GNG2: variants seen among roughly 807,000 people sequenced by gnomAD.
The protein encoded by GNG2 is guanine nucleotide-binding protein G(I)/G(S)/G(O) subunit gamma-2.
GNG2 carries 5 observed loss-of-function variants against 5.5 expected under a neutral mutation model. The observed-to-expected ratio is 0.91, with a 90% CI of 0.48 to 1.92. The LOEUF is 1.92. Among genes scored for constraint, GNG2 ranks in the 30% most tolerant of loss-of-function variants. The probability of loss-of-function intolerance (pLI) is 0.01; values close to 1 mark genes in which losing one functional copy is unlikely to be tolerated. For synonymous variants in GNG2, 28 were observed against 32.0 expected (o/e 0.88, Z 0.42); for missense variants, 55 against 88.4 (o/e 0.62, Z 1.52).
chr14:51,851,961 C>T (rs8021439), intron 2 of GNG2, among the ~76,000 whole-genome samples: 45,478 of 152,098 alleles, frequency 0.3, 8,316 homozygotes, highest in Non-Finnish European at 0.42. Flanking sequence ...GGAATTTTGG[C>T]AGGATTTACT....
In GNG2 at chr14:51,967,324, A is replaced by T. The variant is rs1378164112; in HGVS notation, c.*637A>T. 6.6e-6 allele frequency: 1 copy of T among 152,226 alleles called. No homozygotes were observed. Among genetic ancestry groups the T allele is most frequent in the Non-Finnish European group, 1.5e-5 (1 of 68,088 alleles). The allele number at this position is 152,226 out of a possible 1,614,324, so 9.4% of individuals were successfully genotyped here. A position where few individuals can be genotyped will look rare whatever the true frequency, so the allele number is the denominator to read the frequency against. ...ATCCTCATGGTAACAACGACAAAAA[A>T]TGCCGGTTGTCTGTGTTCTCTTTTC... is the stretch of plus-strand genomic sequence containing the variant. On this transcript the variant is annotated 3_prime_UTR_variant, in exon 4 of 4. Coordinates refer to ENST00000556766, the MANE Select transcript of GNG2 (RefSeq NM_053064.5).
intron 1 of GNG2, among the ~76,000 whole-genome samples, chr14:51,866,618 T>C (rs1676408160): frequency 6.6e-6 from 1 of 152,112 alleles, no homozygotes; most frequent in African/African-American, 2.4e-5. Context: ...AAGATCAAGG[T>C]ACTGGCAGAT....
At chr14:51,841,690 A>G in intron 2 of GNG2, 1 of 606,004 alleles carries the variant, frequency 1.7e-6, no homozygotes, top group African/African-American at 1.8e-5. Context: ...GGCAGATGAG[A>G]AAAATCACTT....
intron 2 of GNG2, among the ~76,000 whole-genome samples, chr14:51,888,178 T>G (rs980448993): frequency 3.3e-5 from 5 of 152,214 alleles, no homozygotes; most frequent in Admixed American, 6.5e-5. Flanking sequence ...GTAATTACAT[T>G]GAGATACATC....
chr14:51,888,177 T>C (rs1479568794), intron 2 of GNG2, among the ~76,000 whole-genome samples: 4 of 152,206 alleles, frequency 2.6e-5, no homozygotes, highest in South Asian at 2.1e-4. Context: ...TGTAATTACA[T>C]TGAGATACAT....
chr14:51,892,677 G>C lies in GNG2; in HGVS notation c.-30+15020G>C, dbSNP rs558245690. ...TTGTTTTTACAAGTAAAAAGATATA[G>C]GAAGAAGCTCATTTCCCCCTTTCTC... is the stretch of plus-strand genomic sequence containing the variant. On this transcript the variant is annotated intron_variant, in intron 2 of 3. Transcript: ENST00000556766. 3.9e-5 allele frequency among the ~76,000 whole-genome samples: 6 copies of C among 152,264 alleles called. No homozygotes were observed. The East Asian group carries it at 1.2e-3, about 29-fold the overall frequency.
intron 2 of GNG2, among the ~76,000 whole-genome samples, chr14:51,846,749 T>C (rs1594832175): frequency 1.3e-5 from 2 of 152,172 alleles, no homozygotes; most frequent in East Asian, 1.9e-4. Flanking sequence ...TTTCCCCTTT[T>C]TCCAGTCTTC....
intron 2 of GNG2, among the ~76,000 whole-genome samples, chr14:51,900,909 A>G (rs1885506400): frequency 6.6e-6 from 1 of 152,150 alleles, no homozygotes; most frequent in Non-Finnish European, 1.5e-5. Flanking sequence ...TTTAGGTTAG[A>G]TATTCAGTCT....
chr14:51,842,465 G>A (rs1477448309), intron 2 of GNG2, among the ~76,000 whole-genome samples: 1 of 152,062 alleles, frequency 6.6e-6, no homozygotes. Context: ...GCAGCCGCAG[G>A]GCTCCGCACA....
intron 2 of GNG2, chr14:51,917,434 T>C (rs778547596): frequency 2.2e-5 from 10 of 455,988 alleles, no homozygotes; most frequent in Non-Finnish European, 4.4e-5. Context: ...GTAATCTTCC[T>C]GTGAGACGTA....
chr14:51,868,941 A>G (rs1425730632), intron 1 of GNG2, among the ~76,000 whole-genome samples: 2 of 152,224 alleles, frequency 1.3e-5, no homozygotes, highest in African/African-American at 4.8e-5. Flanking sequence ...TGAATTAAAT[A>G]CCATTCTTAT....
intron 2 of GNG2, among the ~76,000 whole-genome samples, chr14:51,934,652 A>G (rs931553236): frequency 6.6e-6 from 1 of 152,110 alleles, no homozygotes; most frequent in Non-Finnish European, 1.5e-5. Context: ...AGTACCCTCC[A>G]TGTTACCCCA....
At chr14:51,891,109 C>T (rs1884826447) in intron 2 of GNG2, among the ~76,000 whole-genome samples, 1 of 152,208 alleles carries the variant, frequency 6.6e-6, no homozygotes, top group African/African-American at 2.4e-5. Context: ...CTCATACCAT[C>T]TCCAGGCCAA....
intron 2 of GNG2, among the ~76,000 whole-genome samples, chr14:51,828,507 A>G (rs1172128938): frequency 6.6e-6 from 1 of 152,156 alleles, no homozygotes; most frequent in Non-Finnish European, 1.5e-5. Context: ...GATAATCACA[A>G]AACAACAAGG....
intron 3 of GNG2, among the ~76,000 whole-genome samples, chr14:51,962,538 C>T (rs923031308): frequency 1.3e-5 from 2 of 152,154 alleles, no homozygotes; most frequent in Admixed American, 6.5e-5. Context: ...CGAATTCGAT[C>T]TGTGGAACCC....
At chr14:51,954,367 G>A (rs1342015657) in intron 3 of GNG2, among the ~76,000 whole-genome samples, 1 of 152,106 alleles carries the variant, frequency 6.6e-6, no homozygotes, top group Non-Finnish European at 1.5e-5. Flanking sequence ...GTGACACCTG[G>A]ATGAATGAAA....
intron 2 of GNG2, among the ~76,000 whole-genome samples, chr14:51,884,242 A>C (rs998416510): frequency 2.0e-5 from 3 of 152,234 alleles, no homozygotes; most frequent in African/African-American, 7.2e-5. Flanking sequence ...AAAATGTCAG[A>C]ACCAAAGTGA....
chr14:51,915,207 T>C (rs1251809888), intron 2 of GNG2, among the ~76,000 whole-genome samples: 1 of 152,212 alleles, frequency 6.6e-6, no homozygotes, highest in Admixed American at 6.5e-5. Flanking sequence ...AATAAGGGCA[T>C]CATCCTTAAA....
chr14:51,837,148 C>T (rs1416911757), intron 2 of GNG2, among the ~76,000 whole-genome samples: 2 of 151,714 alleles, frequency 1.3e-5, no homozygotes, highest in African/African-American at 2.4e-5. Context: ...CATAAGCCAC[C>T]GCACCCGGCC....
Sources: gnomAD v4.1 joint callset for allele counts (sites outside exome capture counted in the v4.1 genomes callset) on GRCh38, gnomAD v4.1.1 for gene constraint, MANE v1.5 for transcripts, NCBI Gene and HGNC (gene_info 2026-07-23, HGNC 2026-07-21) for gene names.